The following CRISPLD2 variants were observed in gnomAD, a reference collection of about 807,000 sequenced individuals.
The protein encoded by CRISPLD2 is cysteine-rich secretory protein LCCL domain-containing 2.
A neutral mutation model predicts 71.1 loss-of-function variants in CRISPLD2; 47 were observed. The ratio of observed to expected loss-of-function variants is 0.66; its 90% CI spans 0.52 to 0.84. The LOEUF (loss-of-function observed/expected upper bound fraction) is 0.84. CRISPLD2 is among the 40% of genes least tolerant of loss of function. The pLI, the probability that CRISPLD2 is intolerant of heterozygous loss-of-function variation, is 0.00. For missense variants in CRISPLD2, 830 were observed against 651.1 expected, an observed-to-expected ratio of 1.27 and a Z score of -2.99; for synonymous variants, 317 against 250.1, an observed-to-expected ratio of 1.27 and a Z score of -2.52.
At chr16:84,885,751 TTTTG>T (rs2071607074) in intron 13 of CRISPLD2, among the ~76,000 whole-genome samples, 1 of 152,168 alleles carries the variant, frequency 6.6e-6, no homozygotes, top group African/African-American at 2.4e-5. Flanking sequence ...CACTTTTCTC[TTTTG>T]TTTTTTATTT....
At chr16:84,870,866 C>G (rs1391469754) in intron 8 of CRISPLD2, among the ~76,000 whole-genome samples, 1 of 151,952 alleles carries the variant, frequency 6.6e-6, no homozygotes, top group Non-Finnish European at 1.5e-5. Context: ...TGAGACCAGC[C>G]TGGGCAACTG....
intron 1 of CRISPLD2, among the ~76,000 whole-genome samples, chr16:84,833,732 C>T (rs531636607): frequency 2.6e-5 from 4 of 152,162 alleles, no homozygotes; most frequent in South Asian, 2.1e-4. Context: ...GGTGGGGGGG[C>T]GTGTTTGTGT....
At chr16:84,894,471 C>A (rs2071688677) in intron 14 of CRISPLD2, among the ~76,000 whole-genome samples, 2 of 152,164 alleles carry the variant, frequency 1.3e-5, no homozygotes, top group Non-Finnish European at 2.9e-5. Flanking sequence ...ATTCATTCAC[C>A]TAACACTCAT....
intron 13 of CRISPLD2, among the ~76,000 whole-genome samples, chr16:84,881,414 C>G (rs147051444): frequency 6.6e-6 from 1 of 152,158 alleles, no homozygotes; most frequent in Admixed American, 6.5e-5. Context: ...TAGGTGGATC[C>G]TGCAGAACAT....
Position 84,873,816 on chromosome 16 carries a change from C to T in CRISPLD2, c.1113-104C>T, listed in dbSNP as rs140659809. 3.5e-4 allele frequency: 376 copies of T among 1,067,496 alleles called. 2 individuals carry two copies. The African/African-American group carries it at 5.6e-3, about 16-fold the overall frequency. 66.1% of individuals were successfully genotyped at this position (1,067,496 alleles called of 1,614,324 possible). ...GGAAACAAGTAGAAAAGTGTGAAGT[C>T]GAGACTGCAAATAAGATAAGTATAG... On this transcript the variant is annotated intron_variant, in intron 10 of 14. Transcript: ENST00000262424.
In CRISPLD2 at chr16:84,866,951, C is replaced by T. The variant is rs1219774383; in HGVS notation, c.764C>T (p.Ala255Val). The change falls in exon 7 of 15, where the codon GCT (alanine) becomes GTT (valine). Residue 255 changes from alanine (A) to valine (V), a missense_variant. Transcript: ENST00000262424. ...GACGAGATGAATGAGGTGGAAACGGCTCCCATTCCTGAAGAAAACCATGTT... is the reference window on the plus strand; with the variant it reads ...GACGAGATGAATGAGGTGGAAACGGTTCCCATTCCTGAAGAAAACCATGTT... Reference protein sequence around the residue: ...ETDEMNEVETAPIPEENHVWL... With the variant: ...ETDEMNEVETVPIPEENHVWL... 4 of 1,614,026 alleles carry T rather than the reference C, an allele frequency of 2.5e-6. No homozygotes were observed. Among genetic ancestry groups the T allele is most frequent in the Non-Finnish European group, 3.4e-6 (4 of 1,179,954 alleles).
chr16:84,891,655 A>G (rs937623401), intron 14 of CRISPLD2, among the ~76,000 whole-genome samples: 18 of 152,316 alleles, frequency 1.2e-4, no homozygotes, highest in African/African-American at 4.3e-4. Context: ...TGAGCAGCGC[A>G]GCCAGCTGGG....
At chr16:84,865,381 C>G (rs1567693392) in intron 6 of CRISPLD2, among the ~76,000 whole-genome samples, 2 of 152,186 alleles carry the variant, frequency 1.3e-5, no homozygotes, top group African/African-American at 4.8e-5. Context: ...GTCTCAAACT[C>G]CTGACCTCAT....
chr16:84,833,522 G>A (rs987772624), intron 1 of CRISPLD2, among the ~76,000 whole-genome samples: 2 of 152,196 alleles, frequency 1.3e-5, no homozygotes, highest in Non-Finnish European at 2.9e-5. Context: ...CTGCCTGGGA[G>A]CATCAGGGGT....
At chr16:84,844,358 C>T (rs947186935) in intron 2 of CRISPLD2, among the ~76,000 whole-genome samples, 4 of 152,198 alleles carry the variant, frequency 2.6e-5, no homozygotes, top group African/African-American at 9.7e-5. Flanking sequence ...GTAAAGTATA[C>T]GGACTATAAA....
At chr16:84,869,958 GGA>G (rs774062732) in intron 8 of CRISPLD2, among the ~76,000 whole-genome samples, 12 of 152,240 alleles carry the variant, frequency 7.9e-5, no homozygotes, top group Non-Finnish European at 5.9e-5. Context: ...CCCCATGCAG[GGA>G]GAAGGCAAGA....
At chr16:84,905,687 C>T (rs550637833) in intron 14 of CRISPLD2, among the ~76,000 whole-genome samples, 74 of 141,436 alleles carry the variant, frequency 5.2e-4, no homozygotes, top group Non-Finnish European at 8.2e-4. Flanking sequence ...TGTGAGCCAC[C>T]GTGCCTGACC....
At chr16:84,848,711 G>A (rs1916985495) in intron 3 of CRISPLD2, among the ~76,000 whole-genome samples, 1 of 152,202 alleles carries the variant, frequency 6.6e-6, no homozygotes, top group Admixed American at 6.5e-5. Flanking sequence ...AAAGTGCTGG[G>A]ATGACAGGCA....
chr16:84,851,833 C>T (rs1373697482), intron 5 of CRISPLD2, among the ~76,000 whole-genome samples: 1 of 152,126 alleles, frequency 6.6e-6, no homozygotes, highest in African/African-American at 2.4e-5. Context: ...CTGTAGCTGC[C>T]CCCTGCTTCC....
intron 12 of CRISPLD2, among the ~76,000 whole-genome samples, chr16:84,878,427 G>A (rs548447328): frequency 7.1e-6 from 1 of 140,616 alleles, no homozygotes; most frequent in South Asian, 2.1e-4. Context: ...AAATTATGGC[G>A]CCGTGGCAGG....
chr16:84,828,709 C>T (rs904856287), intron 1 of CRISPLD2, among the ~76,000 whole-genome samples: 1 of 152,104 alleles, frequency 6.6e-6, no homozygotes, highest in Non-Finnish European at 1.5e-5. Context: ...TTATATATCA[C>T]CTTGGCTTGC....
rs1273977128 is a variant in CRISPLD2 at position 84,889,243 on chromosome 16, G to T, written c.1319G>T (p.Cys440Phe). 2 of 1,614,158 alleles carry T rather than the reference G, an allele frequency of 1.2e-6. No individual in the cohort carries two copies. The highest frequency in any genetic ancestry group is 3.3e-5 in the Admixed American group (2 of 60,020). The change falls in exon 14 of 15, where the codon TGC (cysteine) becomes TTC (phenylalanine). Residue 440 changes from cysteine (C) to phenylalanine (F), a missense_variant. Cys to Phe is a radical substitution (Grantham distance 205). Coordinates refer to ENST00000262424, the MANE Select transcript of CRISPLD2 (RefSeq NM_031476.4). Reference sequence around the variant, plus strand: ...CTGTGCTTCCAGACCTCAAGCATCTGCAAGACAGCCGTGCACGCGGGAGTC... The same window carrying T: ...CTGTGCTTCCAGACCTCAAGCATCTTCAAGACAGCCGTGCACGCGGGAGTC... ...TNIYADTSSI[C>F]KTAVHAGVIS...
chr16:84,859,108 C>A (rs892276798), intron 6 of CRISPLD2, among the ~76,000 whole-genome samples: 3 of 152,216 alleles, frequency 2.0e-5, no homozygotes, highest in Non-Finnish European at 2.9e-5. Flanking sequence ...AGGGGCAGCT[C>A]TAATGGCTTC....
intron 1 of CRISPLD2, among the ~76,000 whole-genome samples, chr16:84,831,798 G>A (rs1472803552): frequency 2.0e-5 from 3 of 152,084 alleles, no homozygotes; most frequent in East Asian, 1.9e-4. Context: ...GCAGAGGCAC[G>A]ATCTCGGCTC....
Sources: gnomAD v4.1 joint callset for allele counts (sites outside exome capture counted in the v4.1 genomes callset) on GRCh38, gnomAD v4.1.1 for gene constraint, MANE v1.5 for transcripts, NCBI Gene and HGNC (gene_info 2026-07-23, HGNC 2026-07-21) for gene names.